The following KIAA0319L variants were observed in gnomAD, a reference collection of about 807,000 sequenced individuals.
The protein encoded by KIAA0319L is KIAA0319 like.
Under a neutral mutation model 120.1 loss-of-function variants are expected in KIAA0319L, and 55 were observed. The observed-to-expected ratio is 0.46, with a 90% CI of 0.37 to 0.57. KIAA0319L has a LOEUF of 0.57. Ranked by LOEUF, KIAA0319L falls within the 20% of genes least tolerant of loss-of-function variation. KIAA0319L has a pLI of 0.00. For missense variants in KIAA0319L, 1,049 were observed against 1,255.3 expected, an observed-to-expected ratio of 0.84 and a Z score of 2.48; for synonymous variants, 398 against 471.9, an observed-to-expected ratio of 0.84 and a Z score of 2.03.
At chr1:35,499,517 T>G (rs1053034934) in intron 3 of KIAA0319L, among the ~76,000 whole-genome samples, 1 of 152,146 alleles carries the variant, frequency 6.6e-6, no homozygotes, top group African/African-American at 2.4e-5. Flanking sequence ...GAGAAATAAA[T>G]TTCTGTTGTT....
At position 35,472,786 on chromosome 1, in the gene KIAA0319L, CT is replaced by C. The variant is rs760880560; in HGVS notation, c.1016-1827del. On this transcript the variant is annotated intron_variant, in intron 5 of 20. Coordinates refer to ENST00000325722, the MANE Select transcript of KIAA0319L (RefSeq NM_024874.5). ...GGACAGGAGAAAATAATCTATTTCC[CT>C]TTTTTTTTTTTTTTTTAATGAGATG... 6.7e-3 allele frequency among the ~76,000 whole-genome samples: 926 copies of C among 139,022 alleles called. 2 individuals are homozygous for C. The highest frequency in any genetic ancestry group is 7.1e-3 in the Admixed American group (98 of 13,758). 91.2% of individuals were successfully genotyped at this position (139,022 alleles called of 152,430 possible).
At chr1:35,436,350 C>G (rs1462229873) in intron 20 of KIAA0319L, among the ~76,000 whole-genome samples, 1 of 152,200 alleles carries the variant, frequency 6.6e-6, no homozygotes, top group African/African-American at 2.4e-5. Flanking sequence ...AGCTTCCTCA[C>G]CCGCGTTGGT....
intron 3 of KIAA0319L, among the ~76,000 whole-genome samples, chr1:35,481,763 C>T (rs1296017258): frequency 6.7e-6 from 1 of 150,178 alleles, no homozygotes; most frequent in African/African-American, 2.4e-5. Flanking sequence ...ATTCCTCATG[C>T]TCCTTTGTAA....
chr1:35,501,732 G>A (rs1339309637), intron 3 of KIAA0319L, among the ~76,000 whole-genome samples: 1 of 152,046 alleles, frequency 6.6e-6, no homozygotes, highest in African/African-American at 2.4e-5. Flanking sequence ...CAAAAAATTA[G>A]CTGGGCGTGA....
intron 2 of KIAA0319L, 59 bp from the exon 3 acceptor site, chr1:35,507,194 T>C: frequency 6.8e-7 from 1 of 1,471,612 alleles, no homozygotes; most frequent in East Asian, 2.3e-5. Flanking sequence ...TACTGCTCCA[T>C]AAAGAGCCCT....
In KIAA0319L at chr1:35,479,611, T is replaced by C. The variant is rs558906713; in HGVS notation, c.667-399A>G. ...GCACTGAAAGCATAATAAGCCAAAA[T>C]AGTAAATATACCAGCTAAGCATGGT... On this transcript the variant is annotated intron_variant, in intron 3 of 20. Transcript: ENST00000325722. Among the ~76,000 whole-genome samples, 8 of 152,032 alleles carry C rather than the reference T, an allele frequency of 5.3e-5. No homozygotes were observed. The Middle Eastern group carries it at 0.01, about 194-fold the overall frequency.
At chr1:35,452,122 A>G (rs1220646717) in intron 12 of KIAA0319L, among the ~76,000 whole-genome samples, 1 of 152,244 alleles carries the variant, frequency 6.6e-6, no homozygotes, top group Non-Finnish European at 1.5e-5. Flanking sequence ...TGATGTTTCT[A>G]AAAAGCATTT....
At chr1:35,485,314 A>G (rs1187492055) in intron 3 of KIAA0319L, among the ~76,000 whole-genome samples, 2 of 150,658 alleles carry the variant, frequency 1.3e-5, no homozygotes, top group African/African-American at 4.9e-5. Context: ...TCTTGTTTTT[A>G]TTTTAGCCTG....
At chr1:35,448,565 A>G (rs1641814187) in intron 15 of KIAA0319L, among the ~76,000 whole-genome samples, 1 of 152,142 alleles carries the variant, frequency 6.6e-6, no homozygotes, top group African/African-American at 2.4e-5. Flanking sequence ...TGTGCTGGGG[A>G]TAAGGCTGAA....
chr1:35,447,312 A>G (rs184925571), intron 16 of KIAA0319L, among the ~76,000 whole-genome samples: 55 of 152,212 alleles, frequency 3.6e-4, no homozygotes, highest in African/African-American at 1.3e-3. Flanking sequence ...CACACACATA[A>G]AACAAACCAA....
chr1:35,531,882 G>A (rs1421847115), intron 2 of KIAA0319L, among the ~76,000 whole-genome samples: 2 of 152,156 alleles, frequency 1.3e-5, no homozygotes, highest in South Asian at 4.1e-4. Flanking sequence ...GAAAAAGCTA[G>A]CTTCTATAAA....
chr1:35,494,833 A>G (rs1406575561), intron 3 of KIAA0319L, among the ~76,000 whole-genome samples: 1 of 152,158 alleles, frequency 6.6e-6, no homozygotes, highest in African/African-American at 2.4e-5. Context: ...TACAGTTATC[A>G]AGACAGTGTA....
Position 35,474,843 on chromosome 1 carries a change from A to T in KIAA0319L, c.977T>A (p.Val326Asp). 6.2e-7 allele frequency: 1 copy of T among 1,610,814 alleles called. No homozygotes were observed. Among genetic ancestry groups the T allele is most frequent in the Non-Finnish European group, 8.5e-7 (1 of 1,177,224 alleles). ...TTGGAGAACATATGCATTTAATTGA[A>T]CTTCATTCTTAGGCAGGGTTATCTG... ...SVQITLPKNE[V>D]QLNAYVLQEP... The change falls in exon 5 of 21, where the codon GTT (valine) becomes GAT (aspartate). Residue 326 changes from valine (V) to aspartate (D), a missense_variant. By Grantham distance (152) the Val-to-Asp change is radical. Coordinates refer to ENST00000325722, the MANE Select transcript of KIAA0319L (RefSeq NM_024874.5).
At chr1:35,507,486 T>C (rs1033904732) in intron 2 of KIAA0319L, among the ~76,000 whole-genome samples, 1 of 152,048 alleles carries the variant, frequency 6.6e-6, no homozygotes, top group African/African-American at 2.4e-5. Flanking sequence ...AAGTGGCAAG[T>C]TGGGAGGAAG....
Position 35,441,101 on chromosome 1 carries a change from T to G in KIAA0319L, c.2908A>C (p.Ile970Leu), listed in dbSNP as rs776419422. The G allele has an allele frequency of 1.2e-6, 2 of 1,614,060 alleles. No individual in the cohort carries two copies. The highest frequency in any genetic ancestry group is 2.2e-5 in the South Asian group (2 of 91,092). ...GKPKRKSKYK[I>L]LDATDQESLE... Reference sequence around the variant, plus strand: ...CTTTCCTGATCCGTGGCATCCAGGATCTTGTACTTGCTTTTCCTCTTGGGT... The same window carrying G: ...CTTTCCTGATCCGTGGCATCCAGGAGCTTGTACTTGCTTTTCCTCTTGGGT... The change falls in exon 20 of 21, where the codon ATC (isoleucine) becomes CTC (leucine). Residue 970 changes from isoleucine to leucine, a missense_variant. Coordinates refer to ENST00000325722, the MANE Select transcript of KIAA0319L (RefSeq NM_024874.5).
In KIAA0319L at chr1:35,434,467, C is replaced by G. The variant is rs1402993266; in HGVS notation, c.*427G>C. 3.8e-5 allele frequency: 6 copies of G among 158,516 alleles called. No individual in the cohort carries two copies. Among genetic ancestry groups the G allele is most frequent in the African/African-American group, 7.2e-5 (3 of 41,630 alleles). 9.8% of individuals were successfully genotyped at this position (158,516 alleles called of 1,614,324 possible). A position where few individuals can be genotyped will look rare whatever the true frequency, so the allele number is the denominator to read the frequency against. ...TCTTTGCCCAGCGAGAGGGCGTACT[C>G]TACCCCAGAGAGGGAAACACCATGC... On this transcript the variant is annotated 3_prime_UTR_variant, in exon 21 of 21. Transcript: ENST00000325722.
chr1:35,538,118 A>G (rs190490912), intron 2 of KIAA0319L, among the ~76,000 whole-genome samples: 18 of 152,186 alleles, frequency 1.2e-4, no homozygotes, highest in African/African-American at 4.3e-4. Flanking sequence ...ATGCTTCTTT[A>G]TGTTTCTACA....
intron 6 of KIAA0319L, among the ~76,000 whole-genome samples, chr1:35,470,415 C>T (rs1643545514): frequency 1.3e-5 from 2 of 149,536 alleles, no homozygotes; most frequent in South Asian, 4.2e-4. Flanking sequence ...ATTGCTTGAG[C>T]CTGGGAAGTC....
At chr1:35,490,366 T>C (rs1232313039) in intron 3 of KIAA0319L, among the ~76,000 whole-genome samples, 2 of 152,190 alleles carry the variant, frequency 1.3e-5, no homozygotes, top group Non-Finnish European at 2.9e-5. Flanking sequence ...TATCACTGTT[T>C]GCAAATAATT....
Sources: gnomAD v4.1 joint callset for allele counts (sites outside exome capture counted in the v4.1 genomes callset) on GRCh38, gnomAD v4.1.1 for gene constraint, MANE v1.5 for transcripts, NCBI Gene and HGNC (gene_info 2026-07-23, HGNC 2026-07-21) for gene names.